Variants in OXTR observed in about 807,000 individuals in gnomAD.
OXTR encodes oxytocin receptor.
In OXTR, 19 loss-of-function variants were observed where a neutral mutation model predicts 23.9. The observed-to-expected ratio is 0.80, with a 90% CI of 0.56 to 1.17. OXTR has a LOEUF of 1.17. Ranked by LOEUF, OXTR falls within the 50% of genes most tolerant of loss-of-function variation. OXTR has a pLI of 0.00. For missense variants in OXTR, 500 were observed against 550.7 expected, an observed-to-expected ratio of 0.91 and a Z score of 0.92; for synonymous variants, 278 against 250.5, an observed-to-expected ratio of 1.11 and a Z score of -1.04.
chr3:8,752,753 T>C lies in OXTR; in HGVS notation c.*224A>G, dbSNP rs1708289320. The stretch of plus-strand genomic sequence containing the variant: ...GCCCAGGGCAGCAGTGGGTTCAGGG[T>C]GGTAGAAGTACGTGTAGGAGGCCAG... On this transcript the variant is annotated 3_prime_UTR_variant, in exon 4 of 4. Transcript: ENST00000316793. 3 of 560,456 alleles carry C rather than the reference T, an allele frequency of 5.4e-6. No individual in the cohort carries two copies. Among genetic ancestry groups the C allele is most frequent in the Non-Finnish European group, 3.2e-6 (1 of 316,780 alleles). 34.7% of individuals were successfully genotyped at this position (560,456 alleles called of 1,614,324 possible).
At chr3:8,745,921 C>A, downstream of OXTR, 4 of 1,453,080 alleles carry the variant, frequency 2.8e-6, no homozygotes, top group South Asian at 3.6e-5. This position sits in a 1 kb window ranked among gnomAD's most constrained non-coding sequence, Gnocchi z 4.8. Flanking sequence ...CCAGACTGGT[C>A]CCCGGGGGAC....
At position 8,767,294 on chromosome 3, in the gene OXTR, G is replaced by A. The variant is rs770976075; in HGVS notation, c.894C>T (p.Ser298=). Residue 298 remains serine, a synonymous_variant, in exon 3 of 4, where the codon AGC becomes AGT. Transcript: ENST00000316793. The part of the protein sequence containing the change: ...WTPFFFVQMW[S]VWDANAPKEA... Reference sequence around the variant, plus strand: ...CCTTGGGCGCGTTGGCATCCCAGACGCTCCACATCTGCACGAAGAAGAAAG... The same window carrying A: ...CCTTGGGCGCGTTGGCATCCCAGACACTCCACATCTGCACGAAGAAGAAAG... The A allele has an allele frequency of 1.2e-5, 19 of 1,566,320 alleles. No homozygotes were observed. The highest frequency in any genetic ancestry group is 9.1e-5 in the East Asian group (4 of 43,838).
At chr3:8,741,368 T>C in the OXTR span, among the ~76,000 whole-genome samples, 1 of 152,178 alleles carries the variant, frequency 6.6e-6, no homozygotes, top group East Asian at 1.9e-4. Context: ...ACTTCTATAA[T>C]TACCTTGTTG....
Position 8,768,395 on chromosome 3 carries a change from C to CT in OXTR, c.-142-67dup. The CT allele has an allele frequency of 1.3e-6, 1 of 791,246 alleles. No individual in the cohort carries two copies. Among genetic ancestry groups the CT allele is most frequent in the Non-Finnish European group, 1.7e-6 (1 of 595,194 alleles). The allele number at this position is 791,246 out of a possible 1,614,324, so 49.0% of individuals were successfully genotyped here. A position where few individuals can be genotyped will look rare whatever the true frequency, so the allele number is the denominator to read the frequency against. On this transcript the variant is annotated intron_variant, in intron 2 of 3. Coordinates refer to ENST00000316793, the MANE Select transcript of OXTR (RefSeq NM_000916.4). This position sits in a 1 kb window ranked among gnomAD's most constrained non-coding sequence, Gnocchi z 5.4. ...TCTCTTCCGACGCGGGTAGGGCGTG[C>CT]TTGTCCCATTCCCAGGAACCCAACT...
At chr3:8,747,617 C>T (rs953813593), downstream of OXTR, among the ~76,000 whole-genome samples, 1 of 152,246 alleles carries the variant, frequency 6.6e-6, no homozygotes, top group Non-Finnish European at 1.5e-5. Context: ...AAGGCACCCA[C>T]CTAGCCAGCA....
intron 3 of OXTR, among the ~76,000 whole-genome samples, chr3:8,755,849 T>C (rs948396897): frequency 7.9e-5 from 12 of 152,224 alleles, no homozygotes; most frequent in Non-Finnish European, 2.9e-5. Flanking sequence ...GCAGGGACTA[T>C]GGAGCATATT....
chr3:8,769,418 G>T lies in OXTR; in HGVS notation c.-426C>A, dbSNP rs1430252499. ...GGAATCCCCTCGCCGCAGCCTGGCT[G>T]GTCGCTGGATGGGTACAGGAGGCGA... On this transcript the variant is annotated 5_prime_UTR_variant, in exon 1 of 4. Coordinates refer to ENST00000316793, the MANE Select transcript of OXTR (RefSeq NM_000916.4). 1 of 152,314 alleles carries T rather than the reference G, an allele frequency of 6.6e-6. No homozygotes were observed. The highest frequency in any genetic ancestry group is 2.4e-5 in the African/African-American group (1 of 41,478). 9.4% of individuals were successfully genotyped at this position (152,314 alleles called of 1,614,324 possible).
chr3:8,756,808 G>A (rs770738528), intron 3 of OXTR, among the ~76,000 whole-genome samples: 8 of 152,174 alleles, frequency 5.3e-5, no homozygotes, highest in African/African-American at 9.7e-5. Flanking sequence ...GCCTTCATCC[G>A]GGCTTCTCTG....
chr3:8,768,258 C>T lies in OXTR; in HGVS notation c.-71G>A, dbSNP rs112772544. ...CTTGGCGCGGCTGGGCCGGATCCGG[C>T]GTGTCGGAGGGTGTAGGGGCGCCCG... On this transcript the variant is annotated 5_prime_UTR_variant, in exon 3 of 4. Transcript: ENST00000316793. This position sits in a 1 kb window ranked among gnomAD's most constrained non-coding sequence, Gnocchi z 5.4. The T allele has an allele frequency of 3.7e-3, 4,590 of 1,256,034 alleles. 144 individuals carry two copies. The African/African-American group carries it at 0.065, about 18-fold the overall frequency. The allele number at this position is 1,256,034 out of a possible 1,614,324, so 77.8% of individuals were successfully genotyped here. A position where few individuals can be genotyped will look rare whatever the true frequency, so the allele number is the denominator to read the frequency against.
downstream of OXTR, among the ~76,000 whole-genome samples, chr3:8,748,930 C>T (rs574001826): frequency 3.7e-4 from 57 of 152,252 alleles, no homozygotes; most frequent in African/African-American, 1.3e-3. Context: ...AGAGTTTCCA[C>T]GTTCACTTTT....
intron 3 of OXTR, 99 bp from the exon 4 acceptor site, chr3:8,753,323 G>A (rs1258002077): frequency 1.0e-5 from 14 of 1,387,914 alleles, no homozygotes; most frequent in Non-Finnish European, 1.4e-5. Context: ...CTGAGCGACA[G>A]CCTTGTCCAA....
the OXTR span, among the ~76,000 whole-genome samples, chr3:8,742,124 G>GAGCTATGCTTGTGCTGCATGGTAC: frequency 6.6e-6 from 1 of 152,104 alleles, no homozygotes; most frequent in East Asian, 1.9e-4. Context: ...CAGCTGCCTA[G>GAGCTATGCTTGTGCTGCATGGTAC]AGCTGCCTGA....
intron 3 of OXTR, 67 bp from the exon 4 acceptor site, chr3:8,753,291 T>C: frequency 6.5e-7 from 1 of 1,546,410 alleles, no homozygotes; most frequent in Non-Finnish European, 8.8e-7. Context: ...CTTCCAGACC[T>C]ATCTGACTTA....
At chr3:8,766,104 T>C (rs547393874) in intron 3 of OXTR, among the ~76,000 whole-genome samples, 1 of 152,354 alleles carries the variant, frequency 6.6e-6, no homozygotes, top group South Asian at 2.1e-4. Context: ...GCAAATCCTT[T>C]GGTCTTTCTT....
Position 8,768,131 on chromosome 3 carries a change from C to T in OXTR, c.57G>A (p.Ala19=). 7.4e-7 allele frequency: 1 copy of T among 1,353,504 alleles called. No individual in the cohort carries two copies. Among genetic ancestry groups the T allele is most frequent in the South Asian group, 1.9e-5 (1 of 51,798 alleles). 83.8% of individuals were successfully genotyped at this position (1,353,504 alleles called of 1,614,324 possible). A position where few individuals can be genotyped will look rare whatever the true frequency, so the allele number is the denominator to read the frequency against. The change falls in exon 3 of 4, where the codon GCG becomes GCA. Residue 19 remains alanine, a synonymous_variant. Transcript: ENST00000316793. The surrounding 1 kb of genome is among the most constrained non-coding windows in gnomAD (Gnocchi z 5.4). ...TGCGGTTGCCCTCGGCCCCCGGCGG[C>T]GCGGCGCTGGCGTTGGCTGCCTCGG... ...WSAEAANASA[A]PPGAEGNRTA... is the part of the protein sequence containing the mutation.
chr3:8,762,058 A>T (rs1433317468), intron 3 of OXTR, among the ~76,000 whole-genome samples: 1 of 152,186 alleles, frequency 6.6e-6, no homozygotes, highest in Non-Finnish European at 1.5e-5. Context: ...GCAAGGTGGT[A>T]AGGTCAGCAG....
chr3:8,766,897 A>C (rs995030846), intron 3 of OXTR, among the ~76,000 whole-genome samples: 1 of 152,090 alleles, frequency 6.6e-6, no homozygotes, highest in African/African-American at 2.4e-5. Flanking sequence ...ACCTCCTCCT[A>C]ACCACGTGGG....
rs1310773914 is a variant in OXTR at position 8,752,816 on chromosome 3, T to A, written c.*161A>T. ...TGGCTGAGTCCCCTATCATCTTCCATCATGGAGGCCACTCTCCACCCCACT... is the reference window on the plus strand; with the variant it reads ...TGGCTGAGTCCCCTATCATCTTCCAACATGGAGGCCACTCTCCACCCCACT... On this transcript the variant is annotated 3_prime_UTR_variant, in exon 4 of 4. Transcript: ENST00000316793. 1.4e-6 allele frequency: 1 copy of A among 697,628 alleles called. No homozygotes were observed. The highest frequency in any genetic ancestry group is 2.3e-6 in the Non-Finnish European group (1 of 428,290). The allele number at this position is 697,628 out of a possible 1,614,324, so 43.2% of individuals were successfully genotyped here. A position where few individuals can be genotyped will look rare whatever the true frequency, so the allele number is the denominator to read the frequency against.
chr3:8,758,191 T>C (rs1473484092), intron 3 of OXTR, among the ~76,000 whole-genome samples: 1 of 152,048 alleles, frequency 6.6e-6, no homozygotes, highest in Non-Finnish European at 1.5e-5. Context: ...CCACGTTCCA[T>C]CCTTCCCAGC....
Sources: allele counts gnomAD v4.1 joint callset (sites outside exome capture counted in the v4.1 genomes callset), GRCh38; gene constraint gnomAD v4.1.1; non-coding constraint Gnocchi (gnomAD v3.1); transcripts MANE v1.5; gene names NCBI Gene and HGNC (gene_info 2026-07-23, HGNC 2026-07-21).